GPR141: variants seen among roughly 807,000 people sequenced by gnomAD.
GPR141 encodes the protein probable G protein-coupled receptor 141.
Under a neutral mutation model 6.8 loss-of-function variants are expected in GPR141, and 6 were observed. That is an observed-to-expected ratio of 0.88 (90% CI 0.48 to 1.74). GPR141 has a LOEUF of 1.74. Among genes scored for constraint, GPR141 ranks in the 40% most tolerant of loss-of-function variants. The pLI is 0.01. For missense variants in GPR141, 372 were observed against 372.9 expected (o/e 1.00, Z 0.02); for synonymous variants, 140 against 142.3 (o/e 0.98, Z 0.11).
chr7:37,735,080 G>A (rs763815855), intron 2 of GPR141, among the ~76,000 whole-genome samples: 29 of 152,286 alleles, frequency 1.9e-4, no homozygotes, highest in Non-Finnish European at 2.4e-4. Flanking sequence ...TAAAAATTGC[G>A]TTAGCTTCTG....
At chr7:37,731,263 C>A (rs750912705) in intron 2 of GPR141, among the ~76,000 whole-genome samples, 1 of 152,152 alleles carries the variant, frequency 6.6e-6, no homozygotes, top group African/African-American at 2.4e-5. Flanking sequence ...CAGGCTGTTA[C>A]GAGTATGTAG....
chr7:37,736,495 G>GA (rs56403860), intron 2 of GPR141, among the ~76,000 whole-genome samples: 5,800 of 129,350 alleles, frequency 0.045, 194 homozygotes, highest in African/African-American at 0.089. Flanking sequence ...ATAAACAGAG[G>GA]AAAAAAAAAA....
At chr7:37,718,927 A>T (rs968209258) in intron 2 of GPR141, among the ~76,000 whole-genome samples, 16 of 152,092 alleles carry the variant, frequency 1.1e-4, no homozygotes, top group Non-Finnish European at 1.6e-4. Flanking sequence ...GTTTTATTTT[A>T]GGCTTCCCTG....
intron 2 of GPR141, among the ~76,000 whole-genome samples, chr7:37,728,269 C>CAGT (rs10695363): frequency 6.6e-6 from 1 of 151,794 alleles, no homozygotes; most frequent in Non-Finnish European, 1.5e-5. Context: ...TCCTACCAAA[C>CAGT]AGGAGATTTA....
intron 2 of GPR141, among the ~76,000 whole-genome samples, chr7:37,698,887 A>G (rs773467014): frequency 6.6e-6 from 1 of 152,210 alleles, no homozygotes; most frequent in Non-Finnish European, 1.5e-5. Context: ...TTTGTTGAGC[A>G]GTTTCTGTAT....
chr7:37,685,752 CTTTTTT>C (rs35789715), intron 2 of GPR141, among the ~76,000 whole-genome samples, 169 bp downstream of exon 2: 7 of 113,150 alleles, frequency 6.2e-5, no homozygotes, highest in African/African-American at 2.0e-4. Context: ...CCTGGCAGCA[CTTTTTT>C]TTTTTTTTTT....
chr7:37,724,103 C>T (rs1469224820), intron 2 of GPR141, among the ~76,000 whole-genome samples: 2 of 152,144 alleles, frequency 1.3e-5, no homozygotes, highest in African/African-American at 2.4e-5. Context: ...AGTTTCAGCT[C>T]CCACTTCCCT....
intron 2 of GPR141, among the ~76,000 whole-genome samples, chr7:37,698,478 C>T (rs1050655272): frequency 8.5e-5 from 13 of 152,068 alleles, no homozygotes; most frequent in Non-Finnish European, 1.5e-4. Context: ...GAAACACACG[C>T]CATGGGGAAT....
intron 2 of GPR141, among the ~76,000 whole-genome samples, chr7:37,738,216 C>G (rs899059835): frequency 1.3e-5 from 2 of 152,148 alleles, no homozygotes; most frequent in Admixed American, 6.6e-5. Context: ...AAAGTACAGG[C>G]AAGGATGTAG....
chr7:37,715,352 A>G (rs937917318), intron 2 of GPR141, among the ~76,000 whole-genome samples: 1 of 151,954 alleles, frequency 6.6e-6, no homozygotes, highest in African/African-American at 2.4e-5. Flanking sequence ...CCAGTCTGGA[A>G]CTCCTGGCCT....
chr7:37,688,047 T>C (rs758953788), intron 2 of GPR141, among the ~76,000 whole-genome samples: 1 of 152,158 alleles, frequency 6.6e-6, no homozygotes, highest in Non-Finnish European at 1.5e-5. Context: ...TGTGATCAGA[T>C]AAAAACTGTG....
rs1223074056 is a variant in GPR141, at chr7:37,736,542, AAAAG to A, written c.-14-3822_-14-3819del. 2.5e-3 allele frequency among the ~76,000 whole-genome samples: 366 copies of A among 147,628 alleles called. 1 individual carries two copies. Among genetic ancestry groups the A allele is most frequent in the African/African-American group, 9.1e-3 (342 of 37,750 alleles). ...CAAAAGTGCAAAAAAATCTTTCTTA[AAAAG>A]AAAGAAAGAAAGAAAAAAGACATGC... On this transcript the variant is annotated intron_variant, in intron 2 of 2. Transcript: ENST00000334425.
At chr7:37,737,496 A>G (rs2131860394) in intron 2 of GPR141, among the ~76,000 whole-genome samples, 1 of 152,328 alleles carries the variant, frequency 6.6e-6, no homozygotes, top group Non-Finnish European at 1.5e-5. Flanking sequence ...CTTGCGGCCC[A>G]TGGGCCACAT....
intron 2 of GPR141, among the ~76,000 whole-genome samples, chr7:37,703,158 GATT>G: frequency 6.6e-6 from 1 of 152,190 alleles, no homozygotes; most frequent in South Asian, 2.1e-4. Context: ...ATTGTAGGTT[GATT>G]ATTATTTTCA....
At chr7:37,727,166 T>TA (rs1299911352) in intron 2 of GPR141, among the ~76,000 whole-genome samples, 1 of 152,244 alleles carries the variant, frequency 6.6e-6, no homozygotes, top group Non-Finnish European at 1.5e-5. Flanking sequence ...GAGTCTTTTC[T>TA]AGTAGTTTAG....
rs537798375 is a variant in GPR141, at chr7:37,706,610, G to A, written c.-15+21027G>A. Among the ~76,000 whole-genome samples the A allele has an allele frequency of 9.9e-5, 15 of 151,798 alleles. No homozygotes were observed. In the South Asian group the frequency reaches 3.1e-3, roughly 32 times the overall value. ...AATCAATGGCAAAAATAACTTTTAA[G>A]AGGATTCTAGCCAAACAAAGGCCAC... On this transcript the variant is annotated intron_variant, in intron 2 of 2. Coordinates refer to ENST00000334425, the MANE Select transcript of GPR141 (RefSeq NM_001381946.1).
chr7:37,711,865 C>A (rs768444328), intron 2 of GPR141, among the ~76,000 whole-genome samples: 91 of 152,272 alleles, frequency 6.0e-4, no homozygotes, highest in Non-Finnish European at 1.1e-3. Context: ...TACACTGATT[C>A]GCTCGAGTAA....
intron 2 of GPR141, among the ~76,000 whole-genome samples, chr7:37,698,069 ATTCC>A (rs1810104863): frequency 6.6e-6 from 1 of 152,218 alleles, no homozygotes; most frequent in South Asian, 2.1e-4. Flanking sequence ...TAGTAAGTTT[ATTCC>A]TTATTGCCTA....
In GPR141 at chr7:37,743,420, T is replaced by C. The variant is rs1288525568; in HGVS notation, c.*2109T>C. On this transcript the variant is annotated 3_prime_UTR_variant, in exon 3 of 3. Transcript: ENST00000334425. ...AATATCCTTTTAAACAAGTAATATT[T>C]CTTTTCTTTCTTGCCTTTTTTCCCA... Among the ~76,000 whole-genome samples, 1 of 152,086 alleles carries C rather than the reference T, an allele frequency of 6.6e-6. No individual in the cohort carries two copies. Among genetic ancestry groups the C allele is most frequent in the Non-Finnish European group, 1.5e-5 (1 of 67,976 alleles).
Sources: allele counts gnomAD v4.1 joint callset (sites outside exome capture counted in the v4.1 genomes callset), GRCh38; gene constraint gnomAD v4.1.1; transcripts MANE v1.5; gene names NCBI Gene and HGNC (gene_info 2026-07-23, HGNC 2026-07-21).